The following DDAH1 variants were observed in gnomAD, a reference collection of about 807,000 sequenced individuals.
DDAH1 encodes N(G),N(G)-dimethylarginine dimethylaminohydrolase 1.
A neutral mutation model predicts 28.8 loss-of-function variants in DDAH1; 19 were observed. The ratio of observed to expected loss-of-function variants is 0.66; its 90% CI spans 0.46 to 0.97. DDAH1 has a LOEUF of 0.97. DDAH1 is among the 50% of genes least tolerant of loss of function. DDAH1 has a pLI of 0.00. For synonymous variants in DDAH1, 153 were observed against 154.4 expected, an observed-to-expected ratio of 0.99 and a Z score of 0.07; for missense variants, 326 against 375.9, an observed-to-expected ratio of 0.87 and a Z score of 1.10.
intron 1 of DDAH1, among the ~76,000 whole-genome samples, chr1:85,510,675 G>T (rs1202174773): frequency 6.6e-6 from 1 of 151,630 alleles, no homozygotes; most frequent in East Asian, 1.9e-4. Flanking sequence ...CAAATGGAAA[G>T]CAAAAAAAAG....
intron 1 of DDAH1, among the ~76,000 whole-genome samples, chr1:85,385,322 A>C (rs1046727552): frequency 3.9e-5 from 6 of 152,238 alleles, no homozygotes; most frequent in Non-Finnish European, 8.8e-5. Flanking sequence ...AATCCACTGA[A>C]GGCTGGTGAA....
chr1:85,409,326 T>G (rs542341029), intron 1 of DDAH1, among the ~76,000 whole-genome samples: 31 of 152,176 alleles, frequency 2.0e-4, no homozygotes, highest in Non-Finnish European at 3.7e-4. Context: ...TGTCTTGAAC[T>G]GCTAATCCAC....
chr1:85,511,559 G>C (rs1019960724), intron 1 of DDAH1, among the ~76,000 whole-genome samples: 3 of 152,132 alleles, frequency 2.0e-5, no homozygotes, highest in African/African-American at 7.2e-5. Flanking sequence ...ATGAATCCAG[G>C]AGCTGGTTTT....
chr1:85,382,485 C>A (rs139113013), intron 1 of DDAH1, among the ~76,000 whole-genome samples: 2 of 152,088 alleles, frequency 1.3e-5, no homozygotes, highest in East Asian at 1.9e-4. Flanking sequence ...CAAGGTGAAG[C>A]GATAAGTGCT....
chr1:85,321,082 AAAGC>A lies in DDAH1; in HGVS notation c.*366_*369del, dbSNP rs1661314944. 1.3e-5 allele frequency: 2 copies of A among 159,802 alleles called. No homozygotes were observed. Among genetic ancestry groups the A allele is most frequent in the African/African-American group, 4.8e-5 (2 of 41,710 alleles). 9.9% of individuals were successfully genotyped at this position (159,802 alleles called of 1,614,324 possible). ...TGATTCATGAAAAAAAAAAAAAAAA[AAAGC>A]AAGCTTATCTGACTGATCAAGAAGA... On this transcript the variant is annotated 3_prime_UTR_variant, in exon 6 of 6. Coordinates refer to ENST00000284031, the MANE Select transcript of DDAH1 (RefSeq NM_012137.4).
intron 1 of DDAH1, among the ~76,000 whole-genome samples, chr1:85,412,354 A>G (rs1463311069): frequency 6.6e-6 from 1 of 152,180 alleles, no homozygotes; most frequent in Non-Finnish European, 1.5e-5. Context: ...TCTTCTAACA[A>G]TTGTTCATCT....
At chr1:85,379,711 TA>T in intron 1 of DDAH1, 1 of 985,298 alleles carries the variant, frequency 1.0e-6, no homozygotes, top group South Asian at 4.7e-5. Flanking sequence ...GAACTGAACT[TA>T]TCTATTTCCC....
At chr1:85,422,318 GT>G (rs1653183939) in intron 1 of DDAH1, among the ~76,000 whole-genome samples, 2 of 152,058 alleles carry the variant, frequency 1.3e-5, no homozygotes, top group Non-Finnish European at 2.9e-5. Context: ...TATCAGATAT[GT>G]GTTTTGCAAG....
chr1:85,419,777 A>G (rs192860630), intron 1 of DDAH1, among the ~76,000 whole-genome samples: 15 of 152,170 alleles, frequency 9.9e-5, no homozygotes, highest in African/African-American at 3.1e-4. Flanking sequence ...CCAACATTGC[A>G]TTTGAATCCT....
At chr1:85,548,174 T>C (rs1435293753) in intron 1 of DDAH1, among the ~76,000 whole-genome samples, 1 of 152,244 alleles carries the variant, frequency 6.6e-6, no homozygotes, top group Non-Finnish European at 1.5e-5. Flanking sequence ...ATGAATTTTG[T>C]TGTAACTTTT....
chr1:85,351,883 CTGGTGGTGA>C (rs1649234314), intron 2 of DDAH1, among the ~76,000 whole-genome samples: 1 of 152,060 alleles, frequency 6.6e-6, no homozygotes, highest in Non-Finnish European at 1.5e-5. Context: ...CTGGAGATGC[CTGGTGGTGA>C]TGGTTGCCTA....
At chr1:85,570,490 C>T (rs1486072170) in intron 1 of DDAH1, among the ~76,000 whole-genome samples, 2 of 152,010 alleles carry the variant, frequency 1.3e-5, no homozygotes, top group Non-Finnish European at 2.9e-5. Context: ...TCTAGTGCAG[C>T]CTCAGACTGC....
At chr1:85,398,975 G>C (rs984818998) in intron 1 of DDAH1, 1 of 152,178 alleles carries the variant, frequency 6.6e-6, no homozygotes, top group African/African-American at 2.4e-5. Flanking sequence ...CTTTTATAGA[G>C]TTAGTACTGT....
At chr1:85,342,668 T>A (rs537497601) in intron 4 of DDAH1, among the ~76,000 whole-genome samples, 1 of 152,350 alleles carries the variant, frequency 6.6e-6, no homozygotes, top group South Asian at 2.1e-4. Flanking sequence ...TCTTTACTTT[T>A]ACTGCTAATG....
At chr1:85,365,520 G>A (rs983469433) in intron 1 of DDAH1, among the ~76,000 whole-genome samples, 3 of 152,168 alleles carry the variant, frequency 2.0e-5, no homozygotes, top group African/African-American at 7.2e-5. Context: ...TCTCATCAGA[G>A]TATGAGGAGG....
At chr1:85,566,962 A>G (rs1659322768) in intron 1 of DDAH1, among the ~76,000 whole-genome samples, 1 of 152,206 alleles carries the variant, frequency 6.6e-6, no homozygotes, top group African/African-American at 2.4e-5. Flanking sequence ...GAAACCTATG[A>G]AGAATCAATG....
In DDAH1 at chr1:85,410,173, C is replaced by T. The variant is rs114084735; in HGVS notation, c.304-51326G>A. On this transcript the variant is annotated intron_variant, in intron 1 of 5. Transcript: ENST00000284031. Reference sequence around the variant, plus strand: ...CCAAACACCTGTAGTCCCAGCTACACGGGAGGCCGAGGTGGGATAATCGCC... The same window carrying T: ...CCAAACACCTGTAGTCCCAGCTACATGGGAGGCCGAGGTGGGATAATCGCC... Among the ~76,000 whole-genome samples, 839 of 152,024 alleles carry T rather than the reference C, an allele frequency of 5.5e-3. 9 individuals carry two copies. Among genetic ancestry groups the T allele is most frequent in the African/African-American group, 0.018 (749 of 41,470 alleles).
intron 1 of DDAH1, among the ~76,000 whole-genome samples, chr1:85,576,386 G>T (rs1455740013): frequency 6.6e-6 from 1 of 152,194 alleles, no homozygotes; most frequent in African/African-American, 2.4e-5. Context: ...GCAGAGCCAG[G>T]ACTTCCTATC....
intron 1 of DDAH1, among the ~76,000 whole-genome samples, chr1:85,503,285 A>G (rs1176240976): frequency 6.6e-6 from 1 of 151,496 alleles, no homozygotes; most frequent in Non-Finnish European, 1.5e-5. Context: ...GCTCACTGCA[A>G]CCTCCGCCTC....
Sources: gnomAD v4.1 joint callset for allele counts (sites outside exome capture counted in the v4.1 genomes callset) on GRCh38, gnomAD v4.1.1 for gene constraint, MANE v1.5 for transcripts, NCBI Gene and HGNC (gene_info 2026-07-23, HGNC 2026-07-21) for gene names.